The following SLC16A7 variants were observed in gnomAD, a reference collection of about 807,000 sequenced individuals.
SLC16A7 encodes the protein monocarboxylate transporter 2.
SLC16A7 carries 33 observed loss-of-function variants against 34.9 expected under a neutral mutation model. The observed-to-expected ratio is 0.94, with a 90% CI of 0.72 to 1.26. The LOEUF is 1.26. Ranked by LOEUF, SLC16A7 falls within the 50% of genes most tolerant of loss-of-function variation. SLC16A7 has a pLI of 0.00. For synonymous variants in SLC16A7, 201 were observed against 206.6 expected (o/e 0.97, Z 0.23); for missense variants, 573 against 578.1 (o/e 0.99, Z 0.09).
intron 1 of SLC16A7, among the ~76,000 whole-genome samples, chr12:59,604,753 C>A (rs557744380): frequency 6.6e-6 from 1 of 152,316 alleles, no homozygotes; most frequent in East Asian, 1.9e-4. Flanking sequence ...GGATTTTAAT[C>A]TGTTGAACAA....
chr12:59,639,905 A>G (rs180826525), intron 1 of SLC16A7, among the ~76,000 whole-genome samples: 2 of 152,304 alleles, frequency 1.3e-5, no homozygotes, highest in Admixed American at 1.3e-4. Flanking sequence ...CACATGTAGT[A>G]TGTCCCCAGA....
intron 1 of SLC16A7, among the ~76,000 whole-genome samples, chr12:59,613,001 G>T (rs540842600): frequency 1.3e-5 from 2 of 152,224 alleles, no homozygotes; most frequent in African/African-American, 4.8e-5. Context: ...CCACATATTT[G>T]GGGATCTTTA....
In SLC16A7 at chr12:59,596,689, A is replaced by T. The variant is rs1878418246; in HGVS notation, c.-130+453A>T. Reference sequence around the variant, plus strand: ...CCAGCATCCGGCCCCCGAGCCCCCTAGGGTGGCGTGGCTTCATTGCCGCAG... The same window carrying T: ...CCAGCATCCGGCCCCCGAGCCCCCTTGGGTGGCGTGGCTTCATTGCCGCAG... On this transcript the variant is annotated intron_variant, in intron 1 of 5. Coordinates refer to ENST00000547379, the MANE Select transcript of SLC16A7 (RefSeq NM_001270623.2). The surrounding 1 kb of genome is among the most constrained non-coding windows in gnomAD (Gnocchi z 5.0). Among the ~76,000 whole-genome samples, 1 of 151,962 alleles carries T rather than the reference A, an allele frequency of 6.6e-6. No homozygotes were observed. The highest frequency in any genetic ancestry group is 2.4e-5 in the African/African-American group (1 of 41,362).
Position 59,727,169 on chromosome 12 carries a change from T to A in SLC16A7, c.217+22151T>A, listed in dbSNP as rs199569785. ...AGATGGACATATATATATATATATA[T>A]AATATATATATGTTGTATTTAGAAG... is the stretch of plus-strand genomic sequence containing the variant. On this transcript the variant is annotated intron_variant, in intron 3 of 5. Coordinates refer to ENST00000547379, the MANE Select transcript of SLC16A7 (RefSeq NM_001270623.2). Among the ~76,000 whole-genome samples, 20 of 131,778 alleles carry A rather than the reference T, an allele frequency of 1.5e-4. No individual in the cohort carries two copies. In the East Asian group the frequency reaches 1.8e-3, roughly 12 times the overall value. The allele number at this position is 131,778 out of a possible 152,430, so 86.5% of individuals were successfully genotyped here.
intron 1 of SLC16A7, among the ~76,000 whole-genome samples, chr12:59,642,436 G>C (rs1193827415): frequency 1.3e-5 from 2 of 151,714 alleles, no homozygotes; most frequent in African/African-American, 4.8e-5. Flanking sequence ...TTCTTCATTT[G>C]CATCTCCTAC....
intron 2 of SLC16A7, among the ~76,000 whole-genome samples, chr12:59,658,092 T>A (rs1291851008): frequency 6.6e-6 from 1 of 152,044 alleles, no homozygotes; most frequent in African/African-American, 2.4e-5. Flanking sequence ...CCCTTTAAAT[T>A]GGATACTTAA....
At chr12:59,650,266 T>C (rs796936676) in intron 1 of SLC16A7, among the ~76,000 whole-genome samples, 5 of 152,192 alleles carry the variant, frequency 3.3e-5, no homozygotes, top group African/African-American at 1.2e-4. Flanking sequence ...ATAAAGGAGA[T>C]ATGGTATTAT....
At chr12:59,670,313 A>G (rs986042776) in intron 2 of SLC16A7, among the ~76,000 whole-genome samples, 27 of 152,064 alleles carry the variant, frequency 1.8e-4, no homozygotes, top group African/African-American at 6.5e-4. Context: ...CGTTGGCCTT[A>G]TTTACAAATA....
chr12:59,668,108 C>T (rs180835646), intron 2 of SLC16A7, among the ~76,000 whole-genome samples: 1 of 152,312 alleles, frequency 6.6e-6, no homozygotes, highest in Admixed American at 6.5e-5. Context: ...AGGGGAGGGG[C>T]CCTCATGGAG....
chr12:59,683,622 T>C (rs1193518280), intron 2 of SLC16A7, among the ~76,000 whole-genome samples: 3 of 152,208 alleles, frequency 2.0e-5, no homozygotes. Flanking sequence ...GGGGTGCCCA[T>C]TTGAAAATAT....
chr12:59,620,608 A>T (rs1879657980), intron 1 of SLC16A7, among the ~76,000 whole-genome samples: 1 of 151,974 alleles, frequency 6.6e-6, no homozygotes, highest in Non-Finnish European at 1.5e-5. Context: ...TCCTCGAGAC[A>T]GCAGGATAGC....
chr12:59,710,731 C>A (rs910866078), intron 3 of SLC16A7, among the ~76,000 whole-genome samples: 1 of 151,956 alleles, frequency 6.6e-6, no homozygotes, highest in Non-Finnish European at 1.5e-5. Flanking sequence ...TAAAAATTTT[C>A]AAAAATATGT....
In SLC16A7 at chr12:59,684,067, A is replaced by T. The variant is rs111246192; in HGVS notation, c.-30-20705A>T. On this transcript the variant is annotated intron_variant, in intron 2 of 5. Coordinates refer to ENST00000547379, the MANE Select transcript of SLC16A7 (RefSeq NM_001270623.2). ...ATTCACAATGCCAATGTGGTGAGAT[A>T]GTAGAGTTTACAAGGAAACGTGACT... Among the ~76,000 whole-genome samples the T allele has an allele frequency of 3.3e-4, 51 of 152,352 alleles. 1 individual carries two copies. Among genetic ancestry groups the T allele is most frequent in the African/African-American group, 1.2e-3 (50 of 41,592 alleles).
intron 2 of SLC16A7, among the ~76,000 whole-genome samples, chr12:59,697,925 C>T (rs1872499054): frequency 6.6e-6 from 1 of 151,628 alleles, no homozygotes; most frequent in African/African-American, 2.4e-5. Flanking sequence ...TTTATTTACC[C>T]TATTATATGC....
chr12:59,749,403 T>G (rs1393789118), intron 3 of SLC16A7, among the ~76,000 whole-genome samples: 1 of 152,108 alleles, frequency 6.6e-6, no homozygotes, highest in Non-Finnish European at 1.5e-5. Context: ...ATACTGGCAG[T>G]TTTTTTGATA....
intron 1 of SLC16A7, among the ~76,000 whole-genome samples, chr12:59,635,623 T>C (rs994038403): frequency 2.0e-5 from 3 of 152,094 alleles, no homozygotes; most frequent in Non-Finnish European, 4.4e-5. Flanking sequence ...TATACAATAG[T>C]ATTTTCCATG....
intron 3 of SLC16A7, among the ~76,000 whole-genome samples, chr12:59,713,305 C>A (rs1230814055): frequency 6.6e-6 from 1 of 152,168 alleles, no homozygotes; most frequent in African/African-American, 2.4e-5. Flanking sequence ...CAGGCATGAG[C>A]CACCGCACCC....
intron 3 of SLC16A7, among the ~76,000 whole-genome samples, chr12:59,747,599 G>A (rs1028850356): frequency 3.3e-5 from 5 of 152,206 alleles, no homozygotes; most frequent in Non-Finnish European, 5.9e-5. Flanking sequence ...GGCACCATAA[G>A]TGAAAGGGTG....
At chr12:59,606,210 T>C (rs547272693) in intron 1 of SLC16A7, among the ~76,000 whole-genome samples, 1 of 152,306 alleles carries the variant, frequency 6.6e-6, no homozygotes, top group East Asian at 1.9e-4. Context: ...AATTCTAGTT[T>C]CTGGCACATA....
Sources: allele counts gnomAD v4.1 joint callset (sites outside exome capture counted in the v4.1 genomes callset), GRCh38; gene constraint gnomAD v4.1.1; non-coding constraint Gnocchi (gnomAD v3.1); transcripts MANE v1.5; gene names NCBI Gene and HGNC (gene_info 2026-07-23, HGNC 2026-07-21).